Variants in LRMDA observed in about 807,000 individuals in gnomAD.
The protein encoded by LRMDA is leucine rich melanocyte differentiation associated.
A neutral mutation model predicts 29.8 loss-of-function variants in LRMDA; 18 were observed. The ratio of observed to expected loss-of-function variants is 0.60; its 90% CI spans 0.42 to 0.90. The LOEUF (loss-of-function observed/expected upper bound fraction) is 0.90, where lower values mean the gene tolerates loss of function less well. LRMDA is among the 40% of genes least tolerant of loss of function. LRMDA has a pLI of 0.00. For synonymous variants in LRMDA, 125 were observed against 109.4 expected, an observed-to-expected ratio of 1.14 and a Z score of -0.89; for missense variants, 273 against 273.9, an observed-to-expected ratio of 1.00 and a Z score of 0.02.
At chr10:75,988,745 C>T (rs1305195928) in intron 2 of LRMDA, among the ~76,000 whole-genome samples, 2 of 152,180 alleles carry the variant, frequency 1.3e-5, no homozygotes, top group African/African-American at 4.8e-5. Flanking sequence ...TCCCAAGGCC[C>T]AGGAGACCTT....
At chr10:76,049,457 C>T (rs1047635889) in intron 4 of LRMDA, among the ~76,000 whole-genome samples, 2 of 152,190 alleles carry the variant, frequency 1.3e-5, no homozygotes, top group African/African-American at 4.8e-5. Flanking sequence ...ACATTCACTG[C>T]ACAGCAACTG....
chr10:75,449,921 G>A (rs888355715), intron 2 of LRMDA, among the ~76,000 whole-genome samples: 4 of 152,104 alleles, frequency 2.6e-5, no homozygotes, highest in Admixed American at 2.6e-4. Context: ...GAAGAGGTGC[G>A]TGGGGGTGTG....
rs150393414 is a variant in LRMDA, at chr10:75,548,764, C to T, written c.131+110270C>T. On this transcript the variant is annotated intron_variant, in intron 2 of 6. Coordinates refer to ENST00000611255, the MANE Select transcript of LRMDA (RefSeq NM_001305581.2). Reference sequence around the variant, plus strand: ...CTATAAAAAAGATCTAAGTATCTGTCGGAAATATACATACTCGGGTTGTAT... The same window carrying T: ...CTATAAAAAAGATCTAAGTATCTGTTGGAAATATACATACTCGGGTTGTAT... 3.3e-5 allele frequency among the ~76,000 whole-genome samples: 5 copies of T among 152,064 alleles called. No homozygotes were observed. In the East Asian group the frequency reaches 5.8e-4, roughly 18 times the overall value.
rs375639240 is a variant in LRMDA at position 75,691,028 on chromosome 10, C to CACACAT, written c.131+252535_131+252536insCACATA. Among the ~76,000 whole-genome samples the CACACAT allele has an allele frequency of 1.1e-4, 14 of 126,988 alleles. No individual in the cohort carries two copies. The South Asian group carries it at 1.3e-3, about 12-fold the overall frequency. 83.3% of individuals were successfully genotyped at this position (126,988 alleles called of 152,430 possible). On this transcript the variant is annotated intron_variant, in intron 2 of 6. Coordinates refer to ENST00000611255, the MANE Select transcript of LRMDA (RefSeq NM_001305581.2). Reference sequence around the variant, plus strand: ...ACACACACACACACACACACACACACATATATATATTGCAGATGTGGCAGA... The same window carrying CACACAT: ...ACACACACACACACACACACACACACACACATATATATATATTGCAGATGTGGCAGA...
intron 2 of LRMDA, among the ~76,000 whole-genome samples, chr10:76,014,148 ATATATATATATAAT>A (rs1847843075): frequency 7.1e-6 from 1 of 140,360 alleles, no homozygotes; most frequent in African/African-American, 2.6e-5. Flanking sequence ...ATATATAATT[ATATATATATATAAT>A]TATATATATA....
intron 6 of LRMDA, among the ~76,000 whole-genome samples, chr10:76,448,335 C>A (rs1431576245): frequency 1.3e-5 from 2 of 152,044 alleles, no homozygotes; most frequent in Non-Finnish European, 2.9e-5. Flanking sequence ...TATGGAGGTA[C>A]TATAAAAACA....
chr10:76,270,977 A>T (rs1840061602), intron 5 of LRMDA, among the ~76,000 whole-genome samples: 2 of 152,214 alleles, frequency 1.3e-5, no homozygotes, highest in Non-Finnish European at 2.9e-5. Flanking sequence ...TATTGATTTG[A>T]TAAGTGCACA....
rs1350819387 is a variant in LRMDA, at chr10:75,765,511, C to A, written c.132-270497C>A. On this transcript the variant is annotated intron_variant, in intron 2 of 6. Coordinates refer to ENST00000611255, the MANE Select transcript of LRMDA (RefSeq NM_001305581.2). ...TCTGTGTTTGTGACTATTTACTTCA[C>A]ATGGCAATTTAAAAACTATTGTAAA... Among the ~76,000 whole-genome samples the A allele has an allele frequency of 2.0e-5, 3 of 152,158 alleles. No individual in the cohort carries two copies. The East Asian group carries it at 5.8e-4, about 29-fold the overall frequency.
At chr10:75,510,420 T>C (rs2132031645) in intron 2 of LRMDA, among the ~76,000 whole-genome samples, 1 of 152,290 alleles carries the variant, frequency 6.6e-6, no homozygotes, top group Non-Finnish European at 1.5e-5. Context: ...GAAGAGGACT[T>C]GTATGTTACA....
chr10:75,958,193 G>A (rs1401354195), intron 2 of LRMDA, among the ~76,000 whole-genome samples: 1 of 152,146 alleles, frequency 6.6e-6, no homozygotes, highest in Non-Finnish European at 1.5e-5. Context: ...GCAGCCCCAA[G>A]GGCTGCTTCA....
At chr10:76,035,974 A>G (rs904263829) in intron 2 of LRMDA, 34 bp from the exon 3 acceptor site, 26 of 1,610,398 alleles carry the variant, frequency 1.6e-5, no homozygotes, top group Non-Finnish European at 2.0e-5. Context: ...GATTTAGTGC[A>G]GGATCATTTT....
chr10:75,445,644 C>G (rs1188468433), intron 2 of LRMDA, among the ~76,000 whole-genome samples: 1 of 152,202 alleles, frequency 6.6e-6, no homozygotes, highest in Non-Finnish European at 1.5e-5. Flanking sequence ...AGTTTCCCAT[C>G]TCCCCTGATT....
intron 2 of LRMDA, among the ~76,000 whole-genome samples, chr10:75,912,701 A>T (rs1299630719): frequency 6.6e-6 from 1 of 152,114 alleles, no homozygotes; most frequent in African/African-American, 2.4e-5. Context: ...TGAGGCTGAG[A>T]CATGTAGCCT....
chr10:75,931,352 T>C (rs76551061), intron 2 of LRMDA, among the ~76,000 whole-genome samples: 1,592 of 152,286 alleles, frequency 0.01, 26 homozygotes, highest in Non-Finnish European at 0.015. Context: ...TATAAATAAC[T>C]GTTCATGTGT....
At chr10:75,814,931 A>G (rs573587606) in intron 2 of LRMDA, among the ~76,000 whole-genome samples, 2 of 152,206 alleles carry the variant, frequency 1.3e-5, no homozygotes, top group Non-Finnish European at 2.9e-5. Flanking sequence ...GCATCTTACC[A>G]TTGCTCTTCT....
intron 5 of LRMDA, among the ~76,000 whole-genome samples, chr10:76,180,432 A>T (rs1851025969): frequency 6.6e-6 from 1 of 151,718 alleles, no homozygotes; most frequent in South Asian, 2.1e-4. Context: ...GGTGCCCGCC[A>T]CCACACCCGG....
intron 3 of LRMDA, among the ~76,000 whole-genome samples, chr10:76,045,171 G>A (rs959127553): frequency 2.3e-5 from 3 of 128,658 alleles, no homozygotes; most frequent in African/African-American, 9.2e-5. Flanking sequence ...TGCTAGTTTC[G>A]CCCTCTGGTT....
intron 5 of LRMDA, among the ~76,000 whole-genome samples, chr10:76,112,035 T>C (rs1343153718): frequency 6.6e-6 from 1 of 152,184 alleles, no homozygotes; most frequent in Non-Finnish European, 1.5e-5. Context: ...GGAGGTCAAG[T>C]GACTTTCTTT....
chr10:76,300,468 G>A (rs1173566981), intron 5 of LRMDA, among the ~76,000 whole-genome samples: 1 of 152,126 alleles, frequency 6.6e-6, no homozygotes, highest in African/African-American at 2.4e-5. Flanking sequence ...TCAATGCCTG[G>A]GGAAGGCCCT....
Sources: gnomAD v4.1 joint callset for allele counts (sites outside exome capture counted in the v4.1 genomes callset) on GRCh38, gnomAD v4.1.1 for gene constraint, MANE v1.5 for transcripts, NCBI Gene and HGNC (gene_info 2026-07-23, HGNC 2026-07-21) for gene names.